Variants in ELAVL2 observed in about 807,000 individuals in gnomAD.
ELAVL2 encodes ELAV like RNA binding protein 2.
ELAVL2 carries 4 observed loss-of-function variants against 34.6 expected under a neutral mutation model. The ratio of observed to expected loss-of-function variants is 0.12; its 90% confidence interval spans 0.06 to 0.26. The LOEUF (loss-of-function observed/expected upper bound fraction) is 0.26. ELAVL2 is among the 10% of genes least tolerant of loss of function. The pLI is 1.00. For synonymous variants in ELAVL2, 193 were observed against 154.8 expected, an observed-to-expected ratio of 1.25 and a Z score of -1.83; for missense variants, 432 against 442.8, an observed-to-expected ratio of 0.98 and a Z score of 0.22.
chr9:23,802,487 A>G (rs771151136), intron 1 of ELAVL2, among the ~76,000 whole-genome samples: 3 of 152,142 alleles, frequency 2.0e-5, no homozygotes, highest in Non-Finnish European at 1.5e-5. Context: ...CCACAGCTTT[A>G]TTCTTAAATT....
chr9:23,847,491 C>T, the ELAVL2 span: 2 of 152,038 alleles, frequency 1.3e-5, no homozygotes, highest in Admixed American at 6.6e-5. Flanking sequence ...TGCTTATGAA[C>T]ATTATAAGCT....
chr9:23,718,561 T>G (rs2133973634), intron 3 of ELAVL2, among the ~76,000 whole-genome samples: 1 of 152,240 alleles, frequency 6.6e-6, no homozygotes, highest in Middle Eastern at 3.4e-3. Flanking sequence ...TGGAAATTTG[T>G]GTAAGGCACG....
At position 23,783,493 on chromosome 9, in the gene ELAVL2, T is replaced by C. The variant is rs1001670297; in HGVS notation, c.-15-21244A>G. On this transcript the variant is annotated intron_variant, in intron 1 of 6. Coordinates refer to ENST00000397312, the MANE Select transcript of ELAVL2 (RefSeq NM_004432.5). ...AACCTGAAAACAACGAGGTTCATTA[T>C]TGAATAAAGGCATCAGGAATTCTTG... is the stretch of plus-strand genomic sequence containing the variant. 4.1e-5 allele frequency: 40 copies of C among 985,334 alleles called. No individual in the cohort carries two copies. The African/African-American group carries it at 5.9e-4, about 15-fold the overall frequency. 61.0% of individuals were successfully genotyped at this position (985,334 alleles called of 1,614,324 possible).
chr9:23,812,534 G>A (rs867313374), intron 1 of ELAVL2, among the ~76,000 whole-genome samples: 3 of 151,958 alleles, frequency 2.0e-5, no homozygotes, highest in Admixed American at 6.5e-5. Context: ...CTGAGGTGCC[G>A]CAATGAGATG....
chr9:23,817,175 T>G (rs1032076551), intron 1 of ELAVL2, among the ~76,000 whole-genome samples: 2 of 152,168 alleles, frequency 1.3e-5, no homozygotes, highest in African/African-American at 4.8e-5. Flanking sequence ...TATCTCCTAT[T>G]CATTTTCAGT....
chr9:23,761,788 C>T (rs1313292734), intron 2 of ELAVL2, among the ~76,000 whole-genome samples: 1 of 152,036 alleles, frequency 6.6e-6, no homozygotes, highest in East Asian at 1.9e-4. Flanking sequence ...GATCAGAGTA[C>T]ATTAAAGTCC....
chr9:23,765,923 T>C (rs559955816), intron 1 of ELAVL2, among the ~76,000 whole-genome samples: 32 of 152,294 alleles, frequency 2.1e-4, no homozygotes, highest in Admixed American at 1.8e-3. Flanking sequence ...TTACCACTTA[T>C]TGAAACTTGC....
intron 2 of ELAVL2, among the ~76,000 whole-genome samples, chr9:23,752,612 G>A (rs903390656): frequency 6.6e-6 from 1 of 151,962 alleles, no homozygotes; most frequent in Non-Finnish European, 1.5e-5. Context: ...CCAGCACCAA[G>A]TCTAGCTAAT....
intron 2 of ELAVL2, among the ~76,000 whole-genome samples, chr9:23,740,679 G>A (rs1420273627): frequency 2.0e-5 from 3 of 151,464 alleles, no homozygotes; most frequent in Non-Finnish European, 4.4e-5. Context: ...GAAAAGGAAG[G>A]ACATCCTGCA....
At position 23,804,636 on chromosome 9, in the gene ELAVL2, G is replaced by A. The variant is rs577520722; in HGVS notation, c.-16+21170C>T. ...TAAAGATAGAAATTGCTGGTTTGTAGTCTATTTGCATTTTTAATTACGCTA... is the reference window on the plus strand; with the variant it reads ...TAAAGATAGAAATTGCTGGTTTGTAATCTATTTGCATTTTTAATTACGCTA... On this transcript the variant is annotated intron_variant, in intron 1 of 6. Coordinates refer to ENST00000397312, the MANE Select transcript of ELAVL2 (RefSeq NM_004432.5). 2.6e-5 allele frequency among the ~76,000 whole-genome samples: 4 copies of A among 152,268 alleles called. No homozygotes were observed. In the South Asian group the frequency reaches 8.3e-4, roughly 32 times the overall value.
chr9:23,822,452 A>G (rs1001815299), intron 1 of ELAVL2, among the ~76,000 whole-genome samples: 2 of 152,066 alleles, frequency 1.3e-5, no homozygotes, highest in African/African-American at 4.8e-5. Context: ...GCATCCTTCT[A>G]TCGCCCCCCA....
At chr9:23,705,166 C>T in intron 3 of ELAVL2, 95 bp from the exon 4 acceptor site, 2 of 1,395,706 alleles carry the variant, frequency 1.4e-6, no homozygotes, top group Non-Finnish European at 1.9e-6. Context: ...TTCCCATGAA[C>T]AGCATAGAAC....
At chr9:23,811,743 A>T (rs531439552) in intron 1 of ELAVL2, among the ~76,000 whole-genome samples, 95 of 152,284 alleles carry the variant, frequency 6.2e-4, no homozygotes, top group African/African-American at 2.3e-3. Context: ...CGTGCCTCAG[A>T]TCTACTCTTC....
chr9:23,779,185 T>TA, intron 1 of ELAVL2: 1 of 985,090 alleles, frequency 1.0e-6, no homozygotes, highest in Middle Eastern at 5.2e-4. Context: ...ATTTTGGAGG[T>TA]AAAACAGGAG....
intron 5 of ELAVL2, among the ~76,000 whole-genome samples, chr9:23,696,546 G>A (rs551048277): frequency 1.3e-5 from 2 of 152,308 alleles, no homozygotes; most frequent in African/African-American, 4.8e-5. Flanking sequence ...TCGGCTCACT[G>A]CAAACTCTGC....
intron 1 of ELAVL2, among the ~76,000 whole-genome samples, chr9:23,822,852 G>A (rs1396672052): frequency 1.3e-5 from 2 of 151,894 alleles, no homozygotes; most frequent in East Asian, 3.9e-4. Flanking sequence ...AGCTTCAAGG[G>A]CATGATGCAG....
chr9:23,780,950 A>T (rs1054146013), intron 1 of ELAVL2, among the ~76,000 whole-genome samples: 4 of 152,332 alleles, frequency 2.6e-5, no homozygotes, highest in Middle Eastern at 3.4e-3. Flanking sequence ...ACAAACTAAC[A>T]GGGATATGGA....
intron 1 of ELAVL2, among the ~76,000 whole-genome samples, chr9:23,789,809 T>G (rs993544504): frequency 8.1e-5 from 12 of 148,496 alleles, no homozygotes; most frequent in African/African-American, 2.6e-4. Context: ...TGCAAAACAG[T>G]TAGCTTCTTA....
At chr9:23,818,156 G>T (rs1041086610) in intron 1 of ELAVL2, among the ~76,000 whole-genome samples, 34 of 152,138 alleles carry the variant, frequency 2.2e-4, no homozygotes, top group African/African-American at 7.2e-4. Context: ...AATGGCCAAA[G>T]CAAGAAAAAA....
Sources: gnomAD v4.1 joint callset for allele counts (sites outside exome capture counted in the v4.1 genomes callset) on GRCh38, gnomAD v4.1.1 for gene constraint, MANE v1.5 for transcripts, NCBI Gene and HGNC (gene_info 2026-07-23, HGNC 2026-07-21) for gene names.